SH3TC1: variants seen among roughly 807,000 people sequenced by gnomAD.
The protein encoded by SH3TC1 is SH3 domain and tetratricopeptide repeat-containing protein 1.
SH3TC1 carries 135 observed loss-of-function variants against 117.3 expected under a neutral mutation model. The ratio of observed to expected loss-of-function variants is 1.15; its 90% CI spans 1.00 to 1.33. The LOEUF (loss-of-function observed/expected upper bound fraction) is 1.33. SH3TC1 is among the 40% of genes most tolerant of loss of function. The pLI, the probability that SH3TC1 is intolerant of heterozygous loss-of-function variation, is 0.00. For missense variants in SH3TC1, 2,092 were observed against 1,794.3 expected, an observed-to-expected ratio of 1.17 and a Z score of -3.00; for synonymous variants, 898 against 816.9, an observed-to-expected ratio of 1.10 and a Z score of -1.69.
intron 9 of SH3TC1, among the ~76,000 whole-genome samples, chr4:8,220,329 C>T (rs1268999987): frequency 6.6e-6 from 1 of 152,108 alleles, no homozygotes; most frequent in East Asian, 1.9e-4. Context: ...CCTGGGATGC[C>T]CCCTCTCCCT....
intron 9 of SH3TC1, among the ~76,000 whole-genome samples, chr4:8,221,166 C>A (rs762019161): frequency 6.6e-6 from 1 of 152,200 alleles, no homozygotes; most frequent in Non-Finnish European, 1.5e-5. Context: ...TGATCCCTAC[C>A]ATCTCCAAGG....
At chr4:8,235,373 T>G (rs1721709475) in intron 14 of SH3TC1, 60 bp from the exon 15 acceptor site, 1 of 1,408,764 alleles carries the variant, frequency 7.1e-7, no homozygotes, top group Non-Finnish European at 9.3e-7. Flanking sequence ...GAGTCCGACC[T>G]GGGTGGGCGT....
rs1310124205 is a variant in SH3TC1 at position 8,222,889 on chromosome 4, G to A, written c.1162G>A (p.Glu388Lys). 2.5e-6 allele frequency: 4 copies of A among 1,613,668 alleles called. No homozygotes were observed. Among genetic ancestry groups the A allele is most frequent in the South Asian group, 1.1e-5 (1 of 91,070 alleles). The part of the protein sequence containing the change: ...LNEEEKSFFS[E>K]GCFSEEDARQ... ...TGAGGAAGAAAAGTCATTCTTCAGC[G>A]AGGGCTGCTTTTCTGAGGAGGATGC... The change falls in exon 10 of 18, where the codon GAG becomes AAG. Residue 388 changes from glutamate to lysine, a missense_variant. Coordinates refer to ENST00000245105, the MANE Select transcript of SH3TC1 (RefSeq NM_018986.5).
rs1393420487 is a variant in SH3TC1, at chr4:8,209,999, C to T, written c.247+177C>T. On this transcript the variant is annotated intron_variant, in intron 3 of 17. Coordinates refer to ENST00000245105, the MANE Select transcript of SH3TC1 (RefSeq NM_018986.5). This position sits in a 1 kb window ranked among gnomAD's most constrained non-coding sequence, Gnocchi z 5.9. ...AAATGCGCATGCCCAGGTCCTGCAC[C>T]CAGAGGGGGACATGGCCCCTGGGGC... 6.6e-6 allele frequency among the ~76,000 whole-genome samples: 1 copy of T among 152,130 alleles called. No homozygotes were observed. Among genetic ancestry groups the T allele is most frequent in the South Asian group, 2.1e-4 (1 of 4,826 alleles).
rs1718185678 is a variant in SH3TC1, at chr4:8,206,115, G to A, written c.172+749G>A. The A allele has an allele frequency of 5.9e-6, 1 of 170,512 alleles. No homozygotes were observed. Among genetic ancestry groups the A allele is most frequent in the Admixed American group, 5.7e-5 (1 of 17,556 alleles). The allele number at this position is 170,512 out of a possible 1,614,324, so 10.6% of individuals were successfully genotyped here. On this transcript the variant is annotated intron_variant, in intron 2 of 17. Coordinates refer to ENST00000245105, the MANE Select transcript of SH3TC1 (RefSeq NM_018986.5). This position sits in a 1 kb window ranked among gnomAD's most constrained non-coding sequence, Gnocchi z 5.5. ...CAAGGGATTGATGAATGAAGGATGT[G>A]TTTGGACAGTGGCGTGGAAACCTCA...
intron 12 of SH3TC1, 82 bp from the exon 13 acceptor site, chr4:8,231,894 G>T (rs369604072): frequency 2.0e-6 from 3 of 1,505,370 alleles, no homozygotes; most frequent in East Asian, 4.5e-5. Flanking sequence ...AAAGAGGCAA[G>T]CACACCGCAG....
rs972976810 is a variant in SH3TC1, at chr4:8,205,998, G to A, written c.172+632G>A. 8.3e-6 allele frequency: 3 copies of A among 362,524 alleles called. No individual in the cohort carries two copies. The highest frequency in any genetic ancestry group is 1.5e-5 in the Non-Finnish European group (3 of 198,212). The allele number at this position is 362,524 out of a possible 1,614,324, so 22.5% of individuals were successfully genotyped here. A position where few individuals can be genotyped will look rare whatever the true frequency, so the allele number is the denominator to read the frequency against. The stretch of plus-strand genomic sequence containing the variant: ...CCCGTCCCTGGGCCTCGTCCTCCCA[G>A]TGTCCAGCCTCAGCCCAGTCTCCTC... On this transcript the variant is annotated intron_variant, in intron 2 of 17. Coordinates refer to ENST00000245105, the MANE Select transcript of SH3TC1 (RefSeq NM_018986.5). This position sits in a 1 kb window ranked among gnomAD's most constrained non-coding sequence, Gnocchi z 5.4.
intron 1 of SH3TC1, among the ~76,000 whole-genome samples, chr4:8,200,436 CCCT>C (rs1717759562): frequency 6.6e-6 from 1 of 152,228 alleles, no homozygotes; most frequent in South Asian, 2.1e-4. Flanking sequence ...AGCTGTGCCT[CCCT>C]CCTCCAGGTG....
intron 15 of SH3TC1, chr4:8,235,852 G>C (rs766044589): frequency 3.9e-5 from 15 of 385,424 alleles, no homozygotes; most frequent in Non-Finnish European, 6.0e-5. Context: ...GAGAGGCACA[G>C]GGACACGTCA....
intron 1 of SH3TC1, among the ~76,000 whole-genome samples, chr4:8,191,870 G>C (rs574400131): frequency 6.6e-6 from 1 of 152,284 alleles, no homozygotes; most frequent in East Asian, 1.9e-4. Flanking sequence ...AGGAATCGGA[G>C]GCCGGGAAAG....
chr4:8,190,605 G>A lies in SH3TC1; in HGVS notation c.-57+8395G>A, dbSNP rs1256469508. Among the ~76,000 whole-genome samples, 2 of 152,088 alleles carry A rather than the reference G, an allele frequency of 1.3e-5. No homozygotes were observed. The highest frequency in any genetic ancestry group is 2.9e-5 in the Non-Finnish European group (2 of 68,018). ...TCACCCACACCCCACCAGCCGGCTG[G>A]TCCACAGGGTGTTTCTGAGGCTTGG... On this transcript the variant is annotated intron_variant, in intron 1 of 16. Transcript: ENST00000508641. This position sits in a 1 kb window ranked among gnomAD's most constrained non-coding sequence, Gnocchi z 4.7.
At chr4:8,236,528 TG>T in intron 16 of SH3TC1, 100 bp downstream of exon 16, 1 of 1,394,074 alleles carries the variant, frequency 7.2e-7, no homozygotes, top group Non-Finnish European at 9.4e-7. Flanking sequence ...CGGATTTTCC[TG>T]GTCTCCTGTC....
intron 1 of SH3TC1, among the ~76,000 whole-genome samples, chr4:8,188,010 A>G (rs1363319764): frequency 1.3e-5 from 2 of 152,158 alleles, no homozygotes; most frequent in Admixed American, 1.3e-4. Flanking sequence ...CCATTTAACT[A>G]TTGGTCGGTT....
At position 8,217,134 on chromosome 4, in the gene SH3TC1, C is replaced by A. The variant is rs775505437; in HGVS notation, c.806C>A (p.Ala269Glu). The change falls in exon 7 of 18, where the codon GCG becomes GAG. Residue 269 changes from alanine to glutamate, a missense_variant. By Grantham distance (107) the Ala-to-Glu change is moderately radical. Coordinates refer to ENST00000245105, the MANE Select transcript of SH3TC1 (RefSeq NM_018986.5). The stretch of plus-strand genomic sequence containing the variant: ...GTGTCCTCCGAGGAGGTGGCAGTGG[C>A]GGCCGCCCCGGAGCCTTTGATTCCA... ...PSVSSEEVAV[A>E]AAPEPLIPFH... 6.2e-7 allele frequency: 1 copy of A among 1,612,290 alleles called. No individual in the cohort carries two copies. Among genetic ancestry groups the A allele is most frequent in the East Asian group, 2.2e-5 (1 of 44,844 alleles).
At chr4:8,236,221 G>T in intron 15 of SH3TC1, 57 bp from the exon 16 acceptor site, 1 of 1,490,542 alleles carries the variant, frequency 6.7e-7, no homozygotes, top group Non-Finnish European at 9.0e-7. Flanking sequence ...GCTCTGAGGA[G>T]GGCGCTGGGC....
At chr4:8,232,947 G>C in intron 13 of SH3TC1, 1 of 1,192,902 alleles carries the variant, frequency 8.4e-7, no homozygotes, top group Non-Finnish European at 1.1e-6. Context: ...CAGGCCCGTG[G>C]AGCCAGAAGC....
chr4:8,201,207 C>T (rs193298539), intron 1 of SH3TC1, among the ~76,000 whole-genome samples: 2 of 152,332 alleles, frequency 1.3e-5, no homozygotes, highest in Admixed American at 1.3e-4. Flanking sequence ...CCTCTCCCTT[C>T]TTCTTCCAAC....
intron 1 of SH3TC1, among the ~76,000 whole-genome samples, chr4:8,202,394 C>T (rs1717897104): frequency 2.6e-5 from 4 of 152,244 alleles, no homozygotes; most frequent in South Asian, 2.1e-4. Flanking sequence ...GTTCCACTCA[C>T]GCTTCCTCCT....
At chr4:8,223,171 T>C (rs1578706798) in intron 10 of SH3TC1, among the ~76,000 whole-genome samples, 1 of 152,096 alleles carries the variant, frequency 6.6e-6, no homozygotes, top group Non-Finnish European at 1.5e-5. Flanking sequence ...GCTGAGGGCG[T>C]GGGAATGTGG....
Sources: gnomAD v4.1 joint callset for allele counts (sites outside exome capture counted in the v4.1 genomes callset) on GRCh38, gnomAD v4.1.1 for gene constraint, Gnocchi (gnomAD v3.1) non-coding constraint, MANE v1.5 for transcripts, NCBI Gene and HGNC (gene_info 2026-07-23, HGNC 2026-07-21) for gene names.